The following DPP6 variants were observed in gnomAD, a reference collection of about 807,000 sequenced individuals.
DPP6 encodes A-type potassium channel modulatory protein DPP6.
In DPP6, 69 loss-of-function variants were observed where a neutral mutation model predicts 122.6. The observed-to-expected ratio is 0.56, with a 90% CI of 0.46 to 0.69. DPP6 has a LOEUF of 0.69. Ranked by LOEUF, DPP6 falls within the 30% of genes least tolerant of loss-of-function variation. The pLI, the probability that DPP6 is intolerant of heterozygous loss-of-function variation, is 0.00. For synonymous variants in DPP6, 418 were observed against 433.1 expected (o/e 0.97, Z 0.43); for missense variants, 928 against 1,116.9 (o/e 0.83, Z 2.41).
intron 3 of DPP6, among the ~76,000 whole-genome samples, chr7:154,520,479 G>A (rs986333040): frequency 6.6e-6 from 1 of 152,240 alleles, no homozygotes; most frequent in Non-Finnish European, 1.5e-5. Context: ...GCCTAAAATA[G>A]AGGCCAAATT....
chr7:154,761,179 C>A (rs932285265), intron 8 of DPP6, among the ~76,000 whole-genome samples: 1 of 152,198 alleles, frequency 6.6e-6, no homozygotes, highest in African/African-American at 2.4e-5. Flanking sequence ...ATCTAAAATA[C>A]AATGGCATAA....
chr7:153,943,998 G>A (rs1448543193), intron 1 of DPP6, among the ~76,000 whole-genome samples: 3 of 152,134 alleles, frequency 2.0e-5, no homozygotes, highest in East Asian at 1.9e-4. Context: ...GCTGCTCCAC[G>A]GTTTCCCCAC....
At chr7:154,121,371 G>A (rs1337922428) in intron 1 of DPP6, among the ~76,000 whole-genome samples, 5 of 152,028 alleles carry the variant, frequency 3.3e-5, no homozygotes, top group East Asian at 1.9e-4. Context: ...TTGTGGATTC[G>A]AGATCTTTCT....
chr7:154,342,986 C>T (rs1585999850), intron 1 of DPP6, among the ~76,000 whole-genome samples: 2 of 152,284 alleles, frequency 1.3e-5, no homozygotes, highest in African/African-American at 4.8e-5. Flanking sequence ...ATTGATGTGC[C>T]TCACTTGAAG....
chr7:153,762,050 A>C, the DPP6 span, among the ~76,000 whole-genome samples: 11 of 152,242 alleles, frequency 7.2e-5, no homozygotes, highest in Admixed American at 6.5e-4. Flanking sequence ...TCCTGCAGTC[A>C]TAGAAATATG....
chr7:153,819,892 CT>C, the DPP6 span, among the ~76,000 whole-genome samples: 1 of 152,176 alleles, frequency 6.6e-6, no homozygotes, highest in African/African-American at 2.4e-5. Flanking sequence ...TTTTTGGCCT[CT>C]TTTTCTTCTT....
intron 8 of DPP6, among the ~76,000 whole-genome samples, chr7:154,753,775 G>A (rs79526699): frequency 7.4e-4 from 112 of 152,254 alleles, no homozygotes; most frequent in African/African-American, 2.5e-3. Flanking sequence ...GCCGCCTTCC[G>A]TCTAGGCTGT....
chr7:154,892,895 T>A lies in DPP6; in HGVS notation c.*415T>A. 1.9e-6 allele frequency: 1 copy of A among 526,448 alleles called. No individual in the cohort carries two copies. Among genetic ancestry groups the A allele is most frequent in the South Asian group, 1.4e-5 (1 of 71,656 alleles). The allele number at this position is 526,448 out of a possible 1,614,324, so 32.6% of individuals were successfully genotyped here. A position where few individuals can be genotyped will look rare whatever the true frequency, so the allele number is the denominator to read the frequency against. ...TGTTCCCGTTAGGGACATCACACCC[T>A]GTCTCACGTCGCAGTGCCATGGACG... On this transcript the variant is annotated 3_prime_UTR_variant, in exon 26 of 26. Transcript: ENST00000377770.
intron 7 of DPP6, among the ~76,000 whole-genome samples, chr7:154,697,837 T>C (rs575474726): frequency 2.0e-5 from 3 of 152,296 alleles, no homozygotes; most frequent in Non-Finnish European, 2.9e-5. Flanking sequence ...GTACACTCAG[T>C]GTACAGTAAA....
chr7:154,046,609 GA>G (rs1190351467), intron 1 of DPP6, among the ~76,000 whole-genome samples: 2 of 152,202 alleles, frequency 1.3e-5, no homozygotes, highest in Non-Finnish European at 2.9e-5. Context: ...CTGAACATCT[GA>G]AAAGGGGGTT....
At chr7:154,449,887 A>G (rs934487975) in intron 2 of DPP6, among the ~76,000 whole-genome samples, 1 of 152,198 alleles carries the variant, frequency 6.6e-6, no homozygotes, top group Admixed American at 6.5e-5. Context: ...ACATGCCTGT[A>G]GTCCCAGCTA....
rs530001809 is a variant in DPP6, at chr7:154,852,076, A to G, written c.1667-1704A>G. On this transcript the variant is annotated intron_variant, in intron 16 of 25. Coordinates refer to ENST00000377770, the MANE Select transcript of DPP6 (RefSeq NM_130797.4). ...AGAGGACTCCTTGCATTTCTGCCAC[A>G]TGCTCTTTGGGCCCTGGACTAGGGT... Among the ~76,000 whole-genome samples the G allele has an allele frequency of 2.6e-5, 4 of 152,182 alleles. No individual in the cohort carries two copies. The South Asian group carries it at 8.3e-4, about 32-fold the overall frequency.
At chr7:154,630,317 C>T (rs1835328620) in intron 5 of DPP6, among the ~76,000 whole-genome samples, 1 of 152,188 alleles carries the variant, frequency 6.6e-6, no homozygotes, top group Admixed American at 6.5e-5. Context: ...TTGGCTACTC[C>T]AGCATCCCAA....
At chr7:154,474,866 C>T (rs1822587040) in intron 2 of DPP6, 73 bp from the exon 3 acceptor site, 2 of 1,165,442 alleles carry the variant, frequency 1.7e-6, no homozygotes, top group Non-Finnish European at 2.5e-6. Flanking sequence ...AAATGACAAT[C>T]AGAATGTTTA....
intron 1 of DPP6, among the ~76,000 whole-genome samples, chr7:154,201,932 T>A (rs2150787206): frequency 6.6e-6 from 1 of 152,356 alleles, no homozygotes; most frequent in South Asian, 2.1e-4. Flanking sequence ...GCAATAATTC[T>A]TGTATCACAG....
intron 1 of DPP6, among the ~76,000 whole-genome samples, chr7:153,983,144 A>G (rs1322501214): frequency 6.6e-6 from 1 of 152,226 alleles, no homozygotes; most frequent in Non-Finnish European, 1.5e-5. Context: ...AGCTGCGCCC[A>G]CAGCCGCCCC....
intron 1 of DPP6, among the ~76,000 whole-genome samples, chr7:153,922,326 C>G (rs1186060739): frequency 6.6e-6 from 1 of 152,100 alleles, no homozygotes; most frequent in Admixed American, 6.6e-5. Flanking sequence ...CATAGTGAGA[C>G]CCCGTCTCTA....
At chr7:154,546,204 T>C (rs1033648666) in intron 4 of DPP6, among the ~76,000 whole-genome samples, 1 of 152,152 alleles carries the variant, frequency 6.6e-6, no homozygotes, top group African/African-American at 2.4e-5. Context: ...TTTAAAAAGA[T>C]ACAATATACT....
rs991568841 is a variant in DPP6 at position 154,607,958 on chromosome 7, A to G, written c.628-29863A>G. On this transcript the variant is annotated intron_variant, in intron 5 of 25. Transcript: ENST00000377770. ...CTGGTAAACTTGAACTATTCCTAAA[A>G]TAATATTTAGTTTTTTCTTTTTTTT... Among the ~76,000 whole-genome samples, 8 of 117,800 alleles carry G rather than the reference A, an allele frequency of 6.8e-5. 1 individual carries two copies. The highest frequency in any genetic ancestry group is 2.1e-4 in the African/African-American group (8 of 37,238). 77.3% of individuals were successfully genotyped at this position (117,800 alleles called of 152,430 possible).
Sources: allele counts gnomAD v4.1 joint callset (sites outside exome capture counted in the v4.1 genomes callset), GRCh38; gene constraint gnomAD v4.1.1; transcripts MANE v1.5; gene names NCBI Gene and HGNC (gene_info 2026-07-23, HGNC 2026-07-21).